The following TBC1D1 variants were observed in gnomAD, a reference collection of about 807,000 sequenced individuals.
TBC1D1 encodes the protein TBC1 domain family member 1, also known as TBC1 (tre-2/USP6, BUB2, cdc16) domain family, member 1.
In TBC1D1, 89 loss-of-function variants were observed where a neutral mutation model predicts 125.6. That is an observed-to-expected ratio of 0.71 (90% CI 0.60 to 0.85). The LOEUF (loss-of-function observed/expected upper bound fraction) is 0.85. Ranked by LOEUF, TBC1D1 falls within the 40% of genes least tolerant of loss-of-function variation. TBC1D1 has a pLI of 0.00. For missense variants in TBC1D1, 1,377 were observed against 1,469.2 expected (o/e 0.94, Z 1.03); for synonymous variants, 565 against 564.1 (o/e 1.00, Z -0.02).
rs1159947988 is a variant in TBC1D1, at chr4:37,920,727, G to A, written c.417+18215G>A. Among the ~76,000 whole-genome samples the A allele has an allele frequency of 2.0e-5, 3 of 152,148 alleles. No individual in the cohort carries two copies. The East Asian group carries it at 5.8e-4, about 29-fold the overall frequency. ...GGGGAATGTGAGTGTTTTAAGAAGT[G>A]GGTAAGGGAAGGGAGTCCACAAAGG... On this transcript the variant is annotated intron_variant, in intron 2 of 19. Transcript: ENST00000261439.
In TBC1D1 at chr4:38,135,950, G is replaced by A. The variant is rs551122305; in HGVS notation, c.3307-1185G>A. On this transcript the variant is annotated intron_variant, in intron 19 of 19. Coordinates refer to ENST00000261439, the MANE Select transcript of TBC1D1 (RefSeq NM_015173.4). ...TGTGTGTGTGTGTGTGTGTGTGTGT[G>A]TGTATATATGTGTATATATATACCA... 8.9e-3 allele frequency among the ~76,000 whole-genome samples: 1,304 copies of A among 145,824 alleles called. 17 individuals carry two copies. The highest frequency in any genetic ancestry group is 0.033 in the African/African-American group (1,234 of 37,506).
Position 37,902,357 on chromosome 4 carries a change from CT to C in TBC1D1, c.263del (p.Leu88ArgfsTer17). On this transcript the variant is annotated frameshift_variant, in exon 2 of 20. Coordinates refer to ENST00000261439, the MANE Select transcript of TBC1D1 (RefSeq NM_015173.4). LOFTEE classifies it high-confidence loss of function. Reference sequence around the variant, plus strand: ...AGGGAGAAGTCAACAGTGGGATCCCCTGATCTATTCCAGCATCTTTGAGTGC... The same window carrying C: ...AGGGAGAAGTCAACAGTGGGATCCCCGATCTATTCCAGCATCTTTGAGTGC... The C allele has an allele frequency of 6.2e-7, 1 of 1,614,236 alleles. No homozygotes were observed. The highest frequency in any genetic ancestry group is 8.5e-7 in the Non-Finnish European group (1 of 1,180,050).
At chr4:38,067,589 G>A (rs1753958293) in intron 12 of TBC1D1, among the ~76,000 whole-genome samples, 1 of 152,186 alleles carries the variant, frequency 6.6e-6, no homozygotes, top group Admixed American at 6.5e-5. Context: ...TAGATTGGAG[G>A]CCGTCAGTGG....
At chr4:38,086,114 A>C (rs1362184496) in intron 12 of TBC1D1, among the ~76,000 whole-genome samples, 1 of 152,114 alleles carries the variant, frequency 6.6e-6, no homozygotes, top group African/African-American at 2.4e-5. Flanking sequence ...GCTACTCTTA[A>C]TATGAACAAA....
intron 2 of TBC1D1, chr4:38,006,868 CT>C: frequency 2.0e-6 from 1 of 504,318 alleles, no homozygotes; most frequent in Non-Finnish European, 4.0e-6. Context: ...TTTGCTCATC[CT>C]TAAAATCCTG....
At chr4:38,127,247 A>G (rs989568269) in intron 18 of TBC1D1, among the ~76,000 whole-genome samples, 15 of 152,218 alleles carry the variant, frequency 9.9e-5, no homozygotes, top group Non-Finnish European at 4.4e-5. Context: ...AATACTTAGG[A>G]TACATCAGGT....
Position 38,089,917 on chromosome 4 carries a change from C to T in TBC1D1, c.2051-15C>T, listed in dbSNP as rs761054666. 5.2e-6 allele frequency: 8 copies of T among 1,548,064 alleles called. No individual in the cohort carries two copies. The highest frequency in any genetic ancestry group is 2.5e-5 in the South Asian group (2 of 81,172). On this transcript the variant is annotated splice_polypyrimidine_tract_variant and intron_variant, in intron 12 of 19. Transcript: ENST00000261439. ...TTGAAAAATGACAATTCTGGAATGC[C>T]GTCTCCCTTTCCAGATTATTCAGAG...
intron 1 of TBC1D1, among the ~76,000 whole-genome samples, chr4:37,892,266 A>G (rs1013749070): frequency 1.3e-5 from 2 of 152,138 alleles, no homozygotes; most frequent in Non-Finnish European, 2.9e-5. Flanking sequence ...AACTTTTTCA[A>G]TGAGCTAGGG....
At chr4:38,095,119 G>T (rs1303211557) in intron 13 of TBC1D1, among the ~76,000 whole-genome samples, 2 of 152,122 alleles carry the variant, frequency 1.3e-5, no homozygotes, top group Non-Finnish European at 2.9e-5. Context: ...GATTAAAGAT[G>T]GTGGATGGAA....
intron 1 of TBC1D1, among the ~76,000 whole-genome samples, chr4:37,897,372 T>C (rs1714879063): frequency 2.0e-5 from 3 of 152,336 alleles, no homozygotes; most frequent in Non-Finnish European, 4.4e-5. Context: ...CCCTGAATCT[T>C]ATATTAGCAG....
At position 38,118,203 on chromosome 4, in the gene TBC1D1, G is replaced by A. The variant is rs201933335; in HGVS notation, c.2962+11G>A. 1.9e-6 allele frequency: 3 copies of A among 1,613,798 alleles called. No individual in the cohort carries two copies. The highest frequency in any genetic ancestry group is 2.2e-5 in the East Asian group (1 of 44,870). On this transcript the variant is annotated intron_variant, in intron 17 of 19. Transcript: ENST00000261439. The stretch of plus-strand genomic sequence containing the variant: ...TAGCCAGAGTCTTTGGTGAGCATTA[G>A]TAAATCTGTTTGCCAGAACCAGCCT...
chr4:38,078,573 G>T (rs1297349875), intron 12 of TBC1D1, among the ~76,000 whole-genome samples: 1 of 152,144 alleles, frequency 6.6e-6, no homozygotes, highest in Non-Finnish European at 1.5e-5. Flanking sequence ...TCATGAATGG[G>T]ATTACTGTCA....
At chr4:38,136,972 G>A (rs910856098) in intron 19 of TBC1D1, among the ~76,000 whole-genome samples, 163 bp from the exon 22 acceptor site, 8 of 152,190 alleles carry the variant, frequency 5.3e-5, no homozygotes, top group African/African-American at 1.7e-4. Context: ...TGCAAGGGGT[G>A]CGAGTTGCCT....
Position 37,995,816 on chromosome 4 carries a change from A to T in TBC1D1, c.418-18693A>T. On this transcript the variant is annotated intron_variant, in intron 2 of 19. Coordinates refer to ENST00000261439, the MANE Select transcript of TBC1D1 (RefSeq NM_015173.4). This position sits in a 1 kb window ranked among gnomAD's most constrained non-coding sequence, Gnocchi z 4.3. Reference sequence around the variant, plus strand: ...GCTACCCCAAATCATTTGCATCCTCAGTCTTGGGGATCAGGTGCTGGATCC... The same window carrying T: ...GCTACCCCAAATCATTTGCATCCTCTGTCTTGGGGATCAGGTGCTGGATCC... 1.8e-6 allele frequency: 1 copy of T among 552,738 alleles called. No homozygotes were observed. Among genetic ancestry groups the T allele is most frequent in the South Asian group, 1.4e-5 (1 of 71,732 alleles). 34.2% of individuals were successfully genotyped at this position (552,738 alleles called of 1,614,324 possible).
chr4:38,007,090 C>T (rs1012754575), intron 2 of TBC1D1: 1 of 284,752 alleles, frequency 3.5e-6, no homozygotes, highest in Admixed American at 3.8e-5. Flanking sequence ...AGGGCATATT[C>T]TGAAAGAGAA....
At chr4:38,036,788 C>T (rs958025414) in intron 8 of TBC1D1, among the ~76,000 whole-genome samples, 1 of 152,240 alleles carries the variant, frequency 6.6e-6, no homozygotes, top group East Asian at 1.9e-4. Context: ...GTGACTCTAA[C>T]ATGAGTATAT....
intron 7 of TBC1D1, among the ~76,000 whole-genome samples, chr4:38,029,616 T>C (rs189554863): frequency 5.9e-5 from 9 of 152,244 alleles, no homozygotes; most frequent in Admixed American, 1.3e-4. Flanking sequence ...ATTTGCCTGC[T>C]TCAGCCTCCC....
At position 37,902,484 on chromosome 4, in the gene TBC1D1, A is replaced by G; in HGVS notation, c.389A>G (p.Tyr130Cys). 1 of 1,611,720 alleles carries G rather than the reference A, an allele frequency of 6.2e-7. No individual in the cohort carries two copies. The highest frequency in any genetic ancestry group is 8.5e-7 in the Non-Finnish European group (1 of 1,178,622). ...GCTGTCCACCGGCAGAGTATCTGCT[A>G]TGTGTTCAAAGCCGATGATCAAACA... is the stretch of plus-strand genomic sequence containing the variant. Residue 130 changes from tyrosine (Y) to cysteine (C), a missense_variant, in exon 2 of 20, where the codon TAT (tyrosine) becomes TGT (cysteine). Around this residue, in one of 3 missense-constraint regions of TBC1D1, gnomAD observed 822 missense variants for 824.6 expected, o/e 1.00. Coordinates refer to ENST00000261439, the MANE Select transcript of TBC1D1 (RefSeq NM_015173.4).
chr4:38,018,542 A>G lies in TBC1D1; in HGVS notation c.972+99A>G, dbSNP rs570107818. 26 of 771,848 alleles carry G rather than the reference A, an allele frequency of 3.4e-5. 2 individuals carry two copies. Among genetic ancestry groups the G allele is most frequent in the South Asian group, 3.0e-4 (16 of 53,946 alleles). The allele number at this position is 771,848 out of a possible 1,614,324, so 47.8% of individuals were successfully genotyped here. ...ACAAATGCTAAAGGTTACAAGGTGT[A>G]TGTTTTCTAAGTACTGTACTTGATT... On this transcript the variant is annotated intron_variant, in intron 4 of 19. Coordinates refer to ENST00000261439, the MANE Select transcript of TBC1D1 (RefSeq NM_015173.4).
Sources: gnomAD v4.1 joint callset for allele counts (sites outside exome capture counted in the v4.1 genomes callset) on GRCh38, gnomAD v4.1.1 for gene constraint, gnomAD v4.1.1 regional missense constraint, Gnocchi (gnomAD v3.1) non-coding constraint, MANE v1.5 for transcripts, NCBI Gene and HGNC (gene_info 2026-07-23, HGNC 2026-07-21) for gene names.